The following SLC6A11 variants were observed in gnomAD, a reference collection of about 807,000 sequenced individuals.
SLC6A11 encodes the protein solute carrier family 6 member 11.
Under a neutral mutation model 74.8 loss-of-function variants are expected in SLC6A11, and 25 were observed. The observed-to-expected ratio is 0.33, with a 90% CI of 0.24 to 0.47. The LOEUF is 0.47. Among genes scored for constraint, SLC6A11 ranks in the 20% least tolerant of loss-of-function variants. The probability of loss-of-function intolerance (pLI) is 1.00; values close to 1 mark genes in which losing one functional copy is unlikely to be tolerated. For synonymous variants in SLC6A11, 330 were observed against 330.2 expected, an observed-to-expected ratio of 1.00 and a Z score of 0.01; for missense variants, 574 against 837.0, an observed-to-expected ratio of 0.69 and a Z score of 3.88.
chr3:10,895,206 T>C (rs1005117365), intron 6 of SLC6A11, among the ~76,000 whole-genome samples: 5 of 152,238 alleles, frequency 3.3e-5, no homozygotes, highest in South Asian at 2.1e-4. Flanking sequence ...TCCACTCACC[T>C]TTTTTAAAAC....
chr3:10,933,693 G>A (rs1184694017), intron 11 of SLC6A11, among the ~76,000 whole-genome samples: 1 of 152,170 alleles, frequency 6.6e-6, no homozygotes, highest in Non-Finnish European at 1.5e-5. Flanking sequence ...AGTGTGGCTT[G>A]GGAATGGATG....
At chr3:10,860,448 T>C (rs1229239205) in intron 5 of SLC6A11, among the ~76,000 whole-genome samples, 3 of 152,236 alleles carry the variant, frequency 2.0e-5, no homozygotes, top group Non-Finnish European at 1.5e-5. Context: ...AGGATGAGAA[T>C]GCAAGAGAGA....
chr3:10,850,602 G>A (rs529160337), intron 5 of SLC6A11, among the ~76,000 whole-genome samples: 1,583 of 152,322 alleles, frequency 0.01, 19 homozygotes, highest in Non-Finnish European at 0.013. Flanking sequence ...GATGGGGCCA[G>A]CGAGTGGCAC....
intron 10 of SLC6A11, among the ~76,000 whole-genome samples, chr3:10,932,365 A>G (rs1881367): frequency 0.86 from 131,555 of 152,144 alleles, 57,156 homozygotes; most frequent in Admixed American, 0.9. Context: ...GGACAAAGCC[A>G]GTTGGACTCC....
chr3:10,918,594 A>G lies in SLC6A11; in HGVS notation c.1120+141A>G. 1 of 870,946 alleles carries G rather than the reference A, an allele frequency of 1.1e-6. No homozygotes were observed. The highest frequency in any genetic ancestry group is 1.7e-6 in the Non-Finnish European group (1 of 600,630). 54.0% of individuals were successfully genotyped at this position (870,946 alleles called of 1,614,324 possible). On this transcript the variant is annotated intron_variant, in intron 8 of 13. Coordinates refer to ENST00000254488, the MANE Select transcript of SLC6A11 (RefSeq NM_014229.3). This position sits in a 1 kb window ranked among gnomAD's most constrained non-coding sequence, Gnocchi z 4.5. ...AAAGGGGCCCCACCATTCATCCACA[A>G]TCCAGGATCCTGGGAATTACCTAGG...
At chr3:10,863,370 T>C (rs765324272) in intron 5 of SLC6A11, among the ~76,000 whole-genome samples, 1 of 152,224 alleles carries the variant, frequency 6.6e-6, no homozygotes, top group Non-Finnish European at 1.5e-5. Context: ...AACTATGGTC[T>C]ATGATTCACA....
chr3:10,932,879 C>T (rs1695709243), intron 10 of SLC6A11, among the ~76,000 whole-genome samples: 1 of 152,098 alleles, frequency 6.6e-6, no homozygotes, highest in Non-Finnish European at 1.5e-5. Context: ...TCTCGATTTT[C>T]TATGTAGTCT....
At chr3:10,932,700 C>A (rs1186383764) in intron 10 of SLC6A11, among the ~76,000 whole-genome samples, 1 of 152,114 alleles carries the variant, frequency 6.6e-6, no homozygotes, top group Non-Finnish European at 1.5e-5. Context: ...CTGAAAGGAG[C>A]CAGAGGGTCA....
rs568623767 is a variant in SLC6A11, at chr3:10,833,393, C to T, written c.623+10001C>T. Among the ~76,000 whole-genome samples, 22 of 152,220 alleles carry T rather than the reference C, an allele frequency of 1.4e-4. No homozygotes were observed. In the South Asian group the frequency reaches 2.7e-3, roughly 19 times the overall value. ...CAATTAAGTGTAAGGGGTGGAGGCC[C>T]GAGGGAGAACCCAAGGTCTATTTGC... On this transcript the variant is annotated intron_variant, in intron 4 of 13. Transcript: ENST00000254488.
intron 7 of SLC6A11, among the ~76,000 whole-genome samples, chr3:10,913,459 G>T (rs942368134): frequency 6.6e-5 from 10 of 152,032 alleles, no homozygotes; most frequent in African/African-American, 2.4e-4. Flanking sequence ...GGTGTGTTTT[G>T]TTTAGTTTCT....
chr3:10,852,312 C>T (rs1559560335), intron 5 of SLC6A11, among the ~76,000 whole-genome samples: 4 of 152,196 alleles, frequency 2.6e-5, no homozygotes, highest in South Asian at 4.1e-4. Flanking sequence ...CCAAGTACAC[C>T]GAAGCCGCCA....
chr3:10,910,422 C>T (rs376475706), intron 6 of SLC6A11, among the ~76,000 whole-genome samples: 11 of 152,044 alleles, frequency 7.2e-5, no homozygotes, highest in Admixed American at 2.6e-4. Context: ...ATGTGGCCTG[C>T]GTGCCCCCAG....
intron 6 of SLC6A11, among the ~76,000 whole-genome samples, chr3:10,883,023 C>T (rs1323025243): frequency 6.6e-6 from 1 of 151,360 alleles, no homozygotes; most frequent in African/African-American, 2.4e-5. Flanking sequence ...CTGGGCAGGA[C>T]GAGTCAGGGC....
intron 5 of SLC6A11, among the ~76,000 whole-genome samples, chr3:10,873,428 T>TGGCATGCCATCCTACCCTAC (rs1394457022): frequency 3.6e-4 from 55 of 150,968 alleles, no homozygotes; most frequent in African/African-American, 9.5e-4. Context: ...TCCTATCCTA[T>TGGCATGCCATCCTACCCTAC]CCTATCCTAT....
At chr3:10,892,585 T>G (rs1471556869) in intron 6 of SLC6A11, among the ~76,000 whole-genome samples, 1 of 150,894 alleles carries the variant, frequency 6.6e-6, no homozygotes, top group Non-Finnish European at 1.5e-5. Flanking sequence ...TTTTTTTTTT[T>G]GCTATCAGTA....
chr3:10,860,015 A>T (rs761706691), intron 5 of SLC6A11, among the ~76,000 whole-genome samples: 1 of 152,202 alleles, frequency 6.6e-6, no homozygotes, highest in South Asian at 2.1e-4. Context: ...ACAGAATGTA[A>T]CATAGCTTCA....
intron 4 of SLC6A11, among the ~76,000 whole-genome samples, chr3:10,838,955 A>G (rs151104064): frequency 1.4e-3 from 219 of 152,148 alleles, no homozygotes; most frequent in African/African-American, 5.0e-3. Context: ...GTCTCTTAAT[A>G]AGGAAGGATG....
chr3:10,863,469 A>G (rs1425753063), intron 5 of SLC6A11, among the ~76,000 whole-genome samples: 1 of 152,212 alleles, frequency 6.6e-6, no homozygotes, highest in African/African-American at 2.4e-5. Flanking sequence ...ACCTAGAAAG[A>G]TAATAGCTTG....
At chr3:10,910,751 C>T (rs1280699805) in intron 6 of SLC6A11, among the ~76,000 whole-genome samples, 4 of 151,836 alleles carry the variant, frequency 2.6e-5, no homozygotes, top group Admixed American at 2.6e-4. Context: ...CTCAACCTCT[C>T]TGTTCCTCAG....
Sources: allele counts gnomAD v4.1 joint callset (sites outside exome capture counted in the v4.1 genomes callset), GRCh38; gene constraint gnomAD v4.1.1; non-coding constraint Gnocchi (gnomAD v3.1); transcripts MANE v1.5; gene names NCBI Gene and HGNC (gene_info 2026-07-23, HGNC 2026-07-21).